CHST9: variants seen among roughly 807,000 people sequenced by gnomAD.
The protein encoded by CHST9 is carbohydrate sulfotransferase 9, also known as GalNAc-4-sulfotransferase 2.
CHST9 carries 41 observed loss-of-function variants against 44.4 expected under a neutral mutation model. That is an observed-to-expected ratio of 0.92 (90% CI 0.72 to 1.20). The LOEUF (loss-of-function observed/expected upper bound fraction) is 1.20, where lower values mean the gene tolerates loss of function less well. Ranked by LOEUF, CHST9 falls within the 50% of genes most tolerant of loss-of-function variation. The pLI is 0.00. For synonymous variants in CHST9, 171 were observed against 178.4 expected (o/e 0.96, Z 0.33); for missense variants, 504 against 516.5 (o/e 0.98, Z 0.23).
chr18:27,174,410 T>C (rs1319808007), intron 1 of CHST9, among the ~76,000 whole-genome samples: 1 of 151,930 alleles, frequency 6.6e-6, no homozygotes, highest in East Asian at 1.9e-4. Flanking sequence ...GAGACTTTTG[T>C]GTCATTCTTC....
chr18:27,077,615 G>A (rs184391382), intron 2 of CHST9, among the ~76,000 whole-genome samples: 6 of 152,166 alleles, frequency 3.9e-5, no homozygotes, highest in East Asian at 3.9e-4. Context: ...AACTTCTTTC[G>A]GGAATGTGGG....
chr18:27,035,081 T>C (rs1263311973), intron 3 of CHST9, among the ~76,000 whole-genome samples: 1 of 152,208 alleles, frequency 6.6e-6, no homozygotes, highest in East Asian at 1.9e-4. Context: ...AATTTCCATA[T>C]GGTTTTCTAC....
At chr18:26,922,469 T>A (rs58556850) in intron 5 of CHST9, among the ~76,000 whole-genome samples, 9,710 of 152,214 alleles carry the variant, frequency 0.064, 416 homozygotes, top group South Asian at 0.16. Flanking sequence ...GGAGGAAAGC[T>A]ATAGTTTTCC....
At chr18:27,021,979 C>A (rs1271894001) in intron 4 of CHST9, among the ~76,000 whole-genome samples, 2 of 152,100 alleles carry the variant, frequency 1.3e-5, no homozygotes, top group Non-Finnish European at 2.9e-5. Flanking sequence ...GCCCCTATGC[C>A]CAGCTTGTCC....
chr18:27,097,039 C>G (rs2058123787), intron 2 of CHST9, among the ~76,000 whole-genome samples: 1 of 152,024 alleles, frequency 6.6e-6, no homozygotes, highest in Non-Finnish European at 1.5e-5. Flanking sequence ...TAAATACTAG[C>G]AAACTGAATT....
At chr18:26,933,587 G>C (rs2055919882) in intron 5 of CHST9, 2 of 153,652 alleles carry the variant, frequency 1.3e-5, no homozygotes, top group South Asian at 4.2e-4. Flanking sequence ...TCAAGATTTT[G>C]CTTAAACACA....
intron 2 of CHST9, among the ~76,000 whole-genome samples, chr18:27,092,290 T>A (rs184321350): frequency 6.6e-6 from 1 of 152,148 alleles, no homozygotes; most frequent in Non-Finnish European, 1.5e-5. Context: ...GGTGGTGATA[T>A]CCCCTTTATG....
intron 4 of CHST9, among the ~76,000 whole-genome samples, chr18:26,971,588 C>G (rs879871906): frequency 1.3e-5 from 2 of 152,226 alleles, no homozygotes; most frequent in Admixed American, 6.5e-5. Flanking sequence ...ACTCAGGGAG[C>G]AAGCCCAGTG....
intron 1 of CHST9, 169 bp from the exon 2 acceptor site, chr18:27,143,074 C>T (rs182409362): frequency 3.8e-4 from 94 of 245,530 alleles, no homozygotes; most frequent in Middle Eastern, 2.5e-3. Context: ...TTTTCTATTG[C>T]ATACTTTTAT....
chr18:26,907,117 G>A lies in CHST9; in HGVS notation c.*9142C>T, dbSNP rs143374047. On this transcript the variant is annotated 3_prime_UTR_variant, in exon 6 of 6. Coordinates refer to ENST00000618847, the MANE Select transcript of CHST9 (RefSeq NM_031422.6). ...AGTGGGAGAGAAGTTCAAGATTATCGTAGAGTTGTAGACAGGAGAAGGTGA... is the reference window on the plus strand; with the variant it reads ...AGTGGGAGAGAAGTTCAAGATTATCATAGAGTTGTAGACAGGAGAAGGTGA... 382 of 152,486 alleles carry A rather than the reference G, an allele frequency of 2.5e-3. No individual in the cohort carries two copies. Among genetic ancestry groups the A allele is most frequent in the South Asian group, 7.0e-3 (34 of 4,828 alleles). 9.4% of individuals were successfully genotyped at this position (152,486 alleles called of 1,614,324 possible).
At chr18:27,035,602 G>A (rs1210442472) in intron 3 of CHST9, among the ~76,000 whole-genome samples, 1 of 151,838 alleles carries the variant, frequency 6.6e-6, no homozygotes, top group South Asian at 2.1e-4. Context: ...ATACATAATG[G>A]AATATTATAT....
Position 27,109,693 on chromosome 18 carries a change from T to C in CHST9, c.121+32996A>G, listed in dbSNP as rs567954200. 2.0e-5 allele frequency among the ~76,000 whole-genome samples: 3 copies of C among 152,330 alleles called. No homozygotes were observed. In the South Asian group the frequency reaches 6.2e-4, roughly 32 times the overall value. ...GCTGCTTGACTCCCATCACGATCTA[T>C]CTGAATCCGTTCATCACTGCTGCTT... On this transcript the variant is annotated intron_variant, in intron 2 of 5. Coordinates refer to ENST00000618847, the MANE Select transcript of CHST9 (RefSeq NM_031422.6).
At chr18:27,137,087 A>T (rs1047038129) in intron 2 of CHST9, among the ~76,000 whole-genome samples, 3 of 152,154 alleles carry the variant, frequency 2.0e-5, no homozygotes, top group Admixed American at 2.0e-4. Flanking sequence ...AGTTCATAAA[A>T]TAGGAAAGGA....
intron 2 of CHST9, among the ~76,000 whole-genome samples, chr18:27,078,758 G>A (rs575015875): frequency 3.3e-5 from 5 of 152,146 alleles, no homozygotes; most frequent in South Asian, 2.1e-4. Context: ...GTGGCAGAGC[G>A]TGGCCTTCTT....
At chr18:26,933,294 A>C (rs569748621) in intron 5 of CHST9, among the ~76,000 whole-genome samples, 6 of 152,324 alleles carry the variant, frequency 3.9e-5, no homozygotes, top group African/African-American at 1.4e-4. Context: ...TCACTTGAAT[A>C]GGATACCCAG....
chr18:27,055,418 G>A (rs575854663), intron 2 of CHST9, among the ~76,000 whole-genome samples: 1 of 152,198 alleles, frequency 6.6e-6, no homozygotes, highest in Non-Finnish European at 1.5e-5. Context: ...GTAGGGTTTT[G>A]GTTCTGTTCA....
At chr18:26,919,481 T>C (rs959010306) in intron 5 of CHST9, among the ~76,000 whole-genome samples, 1 of 152,292 alleles carries the variant, frequency 6.6e-6, no homozygotes, top group South Asian at 2.1e-4. Context: ...ACAGGCCAAA[T>C]ATAAAACTGC....
At chr18:26,930,527 A>T (rs192488926) in intron 5 of CHST9, 10 of 152,688 alleles carry the variant, frequency 6.5e-5, no homozygotes, top group African/African-American at 1.9e-4. Flanking sequence ...TATTTCATTA[A>T]CTCTAAGTTT....
At chr18:27,158,507 T>C (rs2058716728) in intron 1 of CHST9, among the ~76,000 whole-genome samples, 1 of 150,780 alleles carries the variant, frequency 6.6e-6, no homozygotes, top group African/African-American at 2.4e-5. Context: ...TCTATCATTG[T>C]TGGACATTTG....
Sources: allele counts gnomAD v4.1 joint callset (sites outside exome capture counted in the v4.1 genomes callset), GRCh38; gene constraint gnomAD v4.1.1; transcripts MANE v1.5; gene names NCBI Gene and HGNC (gene_info 2026-07-23, HGNC 2026-07-21).